SLC49A4: variants seen among roughly 807,000 people sequenced by gnomAD.
SLC49A4 encodes solute carrier family 49 member 4, also known as disrupted in renal cancer protein 2.
In SLC49A4, 36 loss-of-function variants were observed where a neutral mutation model predicts 50.6. That is an observed-to-expected ratio of 0.71 (90% CI 0.55 to 0.94). SLC49A4 has a LOEUF of 0.94. Ranked by LOEUF, SLC49A4 falls within the 40% of genes least tolerant of loss-of-function variation. The pLI is 0.00. For missense variants in SLC49A4, 503 were observed against 605.7 expected (o/e 0.83, Z 1.78); for synonymous variants, 248 against 241.2 (o/e 1.03, Z -0.26).
Position 122,799,954 on chromosome 3 carries a change from G to A in SLC49A4, c.343+4419G>A, listed in dbSNP as rs188865161. ...AGAGCAATTTTGGAGCAGATGGCGT[G>A]GAGATGAGGGATTTGAAATGCCTAT... is the stretch of plus-strand genomic sequence containing the variant. On this transcript the variant is annotated intron_variant, in intron 1 of 8. Transcript: ENST00000261038. Among the ~76,000 whole-genome samples the A allele has an allele frequency of 1.2e-4, 18 of 152,228 alleles. No homozygotes were observed. The East Asian group carries it at 3.1e-3, about 26-fold the overall frequency.
intron 2 of SLC49A4, among the ~76,000 whole-genome samples, chr3:122,816,851 T>C (rs1208207656): frequency 6.6e-6 from 1 of 152,142 alleles, no homozygotes; most frequent in African/African-American, 2.4e-5. Flanking sequence ...GGAGGTGACC[T>C]TGAGGTCCCC....
chr3:122,801,454 T>C (rs942390162), intron 1 of SLC49A4, among the ~76,000 whole-genome samples: 1 of 152,170 alleles, frequency 6.6e-6, no homozygotes, highest in African/African-American at 2.4e-5. Flanking sequence ...TAGCCAGGTC[T>C]GGTGGTGGGC....
chr3:122,795,249 C>T lies in SLC49A4; in HGVS notation c.57C>T (p.Leu19=), dbSNP rs1259277325. 6.7e-6 allele frequency: 9 copies of T among 1,347,498 alleles called. No homozygotes were observed. Among genetic ancestry groups the T allele is most frequent in the South Asian group, 3.9e-5 (2 of 51,102 alleles). 83.5% of individuals were successfully genotyped at this position (1,347,498 alleles called of 1,614,324 possible). A position where few individuals can be genotyped will look rare whatever the true frequency, so the allele number is the denominator to read the frequency against. Residue 19 remains leucine, a synonymous_variant, in exon 1 of 9, where the codon CTC becomes CTT. Transcript: ENST00000261038. Reference sequence around the variant, plus strand: ...GGCAGCCGCTGCTGGGGCCCGGGCTCGGGCCTGGGCTGGGGGCCTCCTGGA... The same window carrying T: ...GGCAGCCGCTGCTGGGGCCCGGGCTTGGGCCTGGGCTGGGGGCCTCCTGGA... ...EERQPLLGPG[L]GPGLGASWRS...
chr3:122,798,742 C>T (rs1189245413), intron 1 of SLC49A4, among the ~76,000 whole-genome samples: 2 of 136,306 alleles, frequency 1.5e-5, no homozygotes, highest in African/African-American at 5.4e-5. Flanking sequence ...CCTCCCTGGG[C>T]TCAGGTGATT....
chr3:122,826,816 C>G lies in SLC49A4; in HGVS notation c.454C>G (p.Gln152Glu). 2 of 1,613,844 alleles carry G rather than the reference C, an allele frequency of 1.2e-6. No individual in the cohort carries two copies. Among genetic ancestry groups the G allele is most frequent in the Non-Finnish European group, 1.7e-6 (2 of 1,179,760 alleles). Reference protein sequence around the residue: ...ILKRRLIHGGQMLNGLAGPTV... With the variant: ...ILKRRLIHGGEMLNGLAGPTV... ...AAATTCCAGATTAATTCATGGAGGA[C>G]AGATGTTAAATGGATTGGCAGGTCC... is the stretch of plus-strand genomic sequence containing the variant. The change falls in exon 3 of 9, where the codon CAG becomes GAG. Residue 152 changes from glutamine to glutamate, a missense_variant. Coordinates refer to ENST00000261038, the MANE Select transcript of SLC49A4 (RefSeq NM_032839.3).
intron 1 of SLC49A4, among the ~76,000 whole-genome samples, chr3:122,801,255 G>T (rs1356638918): frequency 1.3e-5 from 2 of 152,184 alleles, no homozygotes; most frequent in African/African-American, 4.8e-5. Flanking sequence ...GTTCTTGTTA[G>T]ACTACTAGAG....
At chr3:122,820,754 C>T (rs1459178779) in intron 2 of SLC49A4, among the ~76,000 whole-genome samples, 1 of 152,244 alleles carries the variant, frequency 6.6e-6, no homozygotes, top group African/African-American at 2.4e-5. Context: ...CTCTGCAGCG[C>T]ACCTGGGGCT....
intron 7 of SLC49A4, among the ~76,000 whole-genome samples, chr3:122,866,259 C>A (rs1336098723): frequency 5.8e-5 from 8 of 138,400 alleles, no homozygotes; most frequent in African/African-American, 2.2e-4. Context: ...CCAGGCTGGT[C>A]TCGAACTCCT....
In SLC49A4 at chr3:122,872,409, T is replaced by C. The variant is rs780065298; in HGVS notation, c.1139-6T>C. ...TGAAACTAAAATGTTTGTGTTTTTA[T>C]TTTAGTGACATTGTATGCCTCCTGT... On this transcript the variant is annotated splice_polypyrimidine_tract_variant and splice_region_variant and intron_variant, in intron 7 of 8. Transcript: ENST00000261038. 1.2e-5 allele frequency: 19 copies of C among 1,602,266 alleles called. No individual in the cohort carries two copies. In the African/African-American group the frequency reaches 2.2e-4, roughly 18 times the overall value.
At chr3:122,811,928 T>C (rs1234305558) in intron 2 of SLC49A4, among the ~76,000 whole-genome samples, 2 of 152,142 alleles carry the variant, frequency 1.3e-5, no homozygotes, top group Non-Finnish European at 2.9e-5. Context: ...TATTTTTTAC[T>C]ACTTTTGGGA....
In SLC49A4 at chr3:122,826,790, T is replaced by A. The variant is rs200484674; in HGVS notation, c.438-10T>A. The A allele has an allele frequency of 1.2e-6, 2 of 1,608,524 alleles. No homozygotes were observed. The highest frequency in any genetic ancestry group is 1.7e-6 in the Non-Finnish European group (2 of 1,175,434). On this transcript the variant is annotated splice_polypyrimidine_tract_variant and intron_variant, in intron 2 of 8. Coordinates refer to ENST00000261038, the MANE Select transcript of SLC49A4 (RefSeq NM_032839.3). ...AAATACCTCACAGCCTTTTAATTTTTAAATTCCAGATTAATTCATGGAGGA... is the reference window on the plus strand; with the variant it reads ...AAATACCTCACAGCCTTTTAATTTTAAAATTCCAGATTAATTCATGGAGGA...
At chr3:122,809,798 A>G (rs1936274144) in intron 2 of SLC49A4, among the ~76,000 whole-genome samples, 2 of 152,246 alleles carry the variant, frequency 1.3e-5, no homozygotes, top group African/African-American at 2.4e-5. Flanking sequence ...TGAATCTTTC[A>G]TAAAAAGAGT....
At chr3:122,825,088 C>G (rs1295680385) in intron 2 of SLC49A4, among the ~76,000 whole-genome samples, 1 of 152,106 alleles carries the variant, frequency 6.6e-6, no homozygotes, top group Non-Finnish European at 1.5e-5. Flanking sequence ...TTTATTTCTT[C>G]CATGTTCTCC....
chr3:122,849,391 C>T (rs542224626), intron 5 of SLC49A4, among the ~76,000 whole-genome samples: 8 of 152,242 alleles, frequency 5.3e-5, no homozygotes, highest in South Asian at 4.1e-4. Context: ...TCGTTTTCTA[C>T]GGAACCTCTG....
At chr3:122,838,829 A>G (rs1180428825) in intron 4 of SLC49A4, among the ~76,000 whole-genome samples, 1 of 152,164 alleles carries the variant, frequency 6.6e-6, no homozygotes, top group Non-Finnish European at 1.5e-5. Context: ...CAATCTACAG[A>G]TTCAGTGCAG....
chr3:122,870,943 A>G (rs916355889), intron 7 of SLC49A4, among the ~76,000 whole-genome samples: 1 of 152,094 alleles, frequency 6.6e-6, no homozygotes, highest in African/African-American at 2.4e-5. Flanking sequence ...AATGAGTCAT[A>G]TGTAAGTAGA....
chr3:122,814,482 A>G (rs1936338326), intron 2 of SLC49A4, among the ~76,000 whole-genome samples: 1 of 152,246 alleles, frequency 6.6e-6, no homozygotes, highest in Non-Finnish European at 1.5e-5. Flanking sequence ...AAAAATGGAC[A>G]TAGTAGACAT....
chr3:122,836,427 G>A (rs1408387983), intron 4 of SLC49A4, among the ~76,000 whole-genome samples: 1 of 152,146 alleles, frequency 6.6e-6, no homozygotes, highest in African/African-American at 2.4e-5. Context: ...TTGCATCGAT[G>A]TTCATCAAGG....
chr3:122,878,353 G>A (rs947925443), intron 8 of SLC49A4, among the ~76,000 whole-genome samples: 2 of 152,142 alleles, frequency 1.3e-5, no homozygotes, highest in Non-Finnish European at 2.9e-5. Context: ...TTATGCCGAG[G>A]AGCTATTCAC....
Sources: allele counts gnomAD v4.1 joint callset (sites outside exome capture counted in the v4.1 genomes callset), GRCh38; gene constraint gnomAD v4.1.1; transcripts MANE v1.5; gene names NCBI Gene and HGNC (gene_info 2026-07-23, HGNC 2026-07-21).